USP6NL: variants seen among roughly 807,000 people sequenced by gnomAD.
USP6NL encodes USP6 N-terminal like.
Under a neutral mutation model 61.9 loss-of-function variants are expected in USP6NL, and 26 were observed. That is an observed-to-expected ratio of 0.42 (90% CI 0.31 to 0.58). The LOEUF (loss-of-function observed/expected upper bound fraction) is 0.58. Ranked by LOEUF, USP6NL falls within the 20% of genes least tolerant of loss-of-function variation. USP6NL has a pLI of 0.16. For synonymous variants in USP6NL, 432 were observed against 390.1 expected (o/e 1.11, Z -1.27); for missense variants, 1,114 against 1,034.3 (o/e 1.08, Z -1.06).
intron 4 of USP6NL, among the ~76,000 whole-genome samples, chr10:11,522,727 T>C (rs1253978246): frequency 2.0e-5 from 3 of 152,226 alleles, no homozygotes; most frequent in African/African-American, 7.2e-5. Context: ...TCAATAGCAG[T>C]GTTCATTTCA....
At chr10:11,603,408 C>T (rs765888294) in intron 1 of USP6NL, among the ~76,000 whole-genome samples, 1 of 152,172 alleles carries the variant, frequency 6.6e-6, no homozygotes, top group Admixed American at 6.5e-5. Flanking sequence ...CTACTTGATA[C>T]ATCATATCAG....
At chr10:11,550,612 C>T (rs960074655) in intron 2 of USP6NL, among the ~76,000 whole-genome samples, 1 of 151,748 alleles carries the variant, frequency 6.6e-6, no homozygotes, top group Non-Finnish European at 1.5e-5. Flanking sequence ...AAAAATTAGC[C>T]GGGCGTGGTG....
chr10:11,503,295 A>T (rs763973727), intron 6 of USP6NL, among the ~76,000 whole-genome samples: 1 of 152,188 alleles, frequency 6.6e-6, no homozygotes, highest in Non-Finnish European at 1.5e-5. Context: ...TCTGACACTT[A>T]TTTCTTAAGC....
At chr10:11,497,010 A>G (rs1234311815) in intron 7 of USP6NL, among the ~76,000 whole-genome samples, 3 of 151,794 alleles carry the variant, frequency 2.0e-5, no homozygotes, top group African/African-American at 7.3e-5. Context: ...ATTATTGTAT[A>G]TTATTTCTGA....
At position 11,587,938 on chromosome 10, in the gene USP6NL, G is replaced by A. The variant is rs1369715110; in HGVS notation, c.4+9693C>T. Reference sequence around the variant, plus strand: ...AGATTTGAATCCTATTTCAATTCAAGTAGAAATGGGGAATTTTCTACTAAA... The same window carrying A: ...AGATTTGAATCCTATTTCAATTCAAATAGAAATGGGGAATTTTCTACTAAA... On this transcript the variant is annotated intron_variant, in intron 2 of 14. Coordinates refer to ENST00000609104, the MANE Select transcript of USP6NL (RefSeq NM_014688.5). This position sits in a 1 kb window ranked among gnomAD's most constrained non-coding sequence, Gnocchi z 4.5. Among the ~76,000 whole-genome samples the A allele has an allele frequency of 1.3e-5, 2 of 152,178 alleles. No individual in the cohort carries two copies. The highest frequency in any genetic ancestry group is 2.9e-5 in the Non-Finnish European group (2 of 68,038).
chr10:11,491,705 C>T lies in USP6NL; in HGVS notation c.495-825G>A, dbSNP rs1833714747. Among the ~76,000 whole-genome samples the T allele has an allele frequency of 6.6e-6, 1 of 152,176 alleles. No homozygotes were observed. The highest frequency in any genetic ancestry group is 2.4e-5 in the African/African-American group (1 of 41,432). ...AGGAGAACACTTGGGGCATCTCTTACTAGTATCACTGAGCCCTGTGATGAA... is the reference window on the plus strand; with the variant it reads ...AGGAGAACACTTGGGGCATCTCTTATTAGTATCACTGAGCCCTGTGATGAA... On this transcript the variant is annotated intron_variant, in intron 8 of 14. Transcript: ENST00000609104. The surrounding 1 kb of genome is among the most constrained non-coding windows in gnomAD (Gnocchi z 4.7).
intron 2 of USP6NL, among the ~76,000 whole-genome samples, chr10:11,581,841 C>CA (rs1837783893): frequency 6.6e-6 from 1 of 152,206 alleles, no homozygotes; most frequent in South Asian, 2.1e-4. Flanking sequence ...GGCTCGATCT[C>CA]AGCTCATGCA....
chr10:11,557,734 G>C (rs1248225684), intron 2 of USP6NL, among the ~76,000 whole-genome samples: 2 of 152,148 alleles, frequency 1.3e-5, no homozygotes, highest in African/African-American at 4.8e-5. Flanking sequence ...AGGAAAGAGG[G>C]TGGTGCCACA....
chr10:11,548,656 AC>A lies in USP6NL; in HGVS notation c.5-21090del, dbSNP rs1054453171. Among the ~76,000 whole-genome samples the A allele has an allele frequency of 6.6e-6, 1 of 152,132 alleles. No individual in the cohort carries two copies. The highest frequency in any genetic ancestry group is 2.4e-5 in the African/African-American group (1 of 41,438). The stretch of plus-strand genomic sequence containing the variant: ...CTGCTGAATAAGCTAAGATCCTAGG[AC>A]CCACTGGCAAAGACTTTCATTCTGA... On this transcript the variant is annotated intron_variant, in intron 2 of 14. Transcript: ENST00000609104. The surrounding 1 kb of genome is among the most constrained non-coding windows in gnomAD (Gnocchi z 4.3).
In USP6NL at chr10:11,528,997, C is replaced by T. The variant is rs183870291; in HGVS notation, c.5-1430G>A. ...GCAGCAATACTGGCATGTTACCTAG[C>T]GCAATGGAGGCACACAGGAAAAGAA... On this transcript the variant is annotated intron_variant, in intron 2 of 14. Coordinates refer to ENST00000609104, the MANE Select transcript of USP6NL (RefSeq NM_014688.5). This position sits in a 1 kb window ranked among gnomAD's most constrained non-coding sequence, Gnocchi z 4.6. Among the ~76,000 whole-genome samples, 459 of 152,194 alleles carry T rather than the reference C, an allele frequency of 3.0e-3. 3 individuals are homozygous for T. The highest frequency in any genetic ancestry group is 5.0e-3 in the Non-Finnish European group (343 of 68,020).
rs1838150347 is a variant in USP6NL, at chr10:11,591,240, GA to G, written c.4+6390del. 6.6e-6 allele frequency among the ~76,000 whole-genome samples: 1 copy of G among 152,144 alleles called. No individual in the cohort carries two copies. The highest frequency in any genetic ancestry group is 2.1e-4 in the South Asian group (1 of 4,838). The stretch of plus-strand genomic sequence containing the variant: ...ATGGAATTCGAAATAGTTCTCTTAA[GA>G]ATGGAGAGTCTCTTGAAACTATTAT... On this transcript the variant is annotated intron_variant, in intron 2 of 14. Coordinates refer to ENST00000609104, the MANE Select transcript of USP6NL (RefSeq NM_014688.5). The surrounding 1 kb of genome is among the most constrained non-coding windows in gnomAD (Gnocchi z 4.7).
chr10:11,498,094 G>A (rs749940485), intron 7 of USP6NL, among the ~76,000 whole-genome samples: 6 of 151,176 alleles, frequency 4.0e-5, no homozygotes, highest in Admixed American at 1.3e-4. Context: ...AAACTTAGCC[G>A]GGCATGGTGG....
intron 2 of USP6NL, among the ~76,000 whole-genome samples, chr10:11,534,254 G>A (rs772448121): frequency 1.3e-5 from 2 of 152,156 alleles, no homozygotes; most frequent in African/African-American, 4.8e-5. Context: ...TCCTTGCTGC[G>A]TGCAGAGTTG....
rs1248029876 is a variant in USP6NL, at chr10:11,598,829, G to T, written c.-83-1112C>A. 6.6e-6 allele frequency among the ~76,000 whole-genome samples: 1 copy of T among 152,234 alleles called. No homozygotes were observed. The highest frequency in any genetic ancestry group is 1.5e-5 in the Non-Finnish European group (1 of 68,042). ...TTGCGTCATGTAATATACATGAGAA[G>T]TATTTCATTTGCAGAATGAAAACAG... On this transcript the variant is annotated intron_variant, in intron 1 of 14. Coordinates refer to ENST00000609104, the MANE Select transcript of USP6NL (RefSeq NM_014688.5). This position sits in a 1 kb window ranked among gnomAD's most constrained non-coding sequence, Gnocchi z 4.7.
rs999432854 is a variant in USP6NL at position 11,490,394 on chromosome 10, T to C, written c.543+438A>G. 1.3e-5 allele frequency among the ~76,000 whole-genome samples: 2 copies of C among 152,204 alleles called. No individual in the cohort carries two copies. The highest frequency in any genetic ancestry group is 6.5e-5 in the Admixed American group (1 of 15,278). ...CTCCTGGGGATAGCCAGTAAGGGCA[T>C]AGTTATCTTGTTTGGACCTCACCTA... is the stretch of plus-strand genomic sequence containing the variant. On this transcript the variant is annotated intron_variant, in intron 9 of 14. Transcript: ENST00000609104. This position sits in a 1 kb window ranked among gnomAD's most constrained non-coding sequence, Gnocchi z 4.5.
chr10:11,586,746 T>C (rs1238900254), intron 2 of USP6NL, among the ~76,000 whole-genome samples: 1 of 151,992 alleles, frequency 6.6e-6, no homozygotes, highest in Non-Finnish European at 1.5e-5. Context: ...TTAGTTTAAA[T>C]GAAATTAGAT....
intron 6 of USP6NL, among the ~76,000 whole-genome samples, chr10:11,503,000 G>A (rs146571265): frequency 1.7e-3 from 260 of 152,212 alleles, no homozygotes; most frequent in African/African-American, 5.5e-3. Flanking sequence ...AAAAACAAGT[G>A]AATTTAAGAC....
At chr10:11,560,556 T>C (rs1836886518) in intron 2 of USP6NL, among the ~76,000 whole-genome samples, 1 of 151,566 alleles carries the variant, frequency 6.6e-6, no homozygotes, top group South Asian at 2.1e-4. Flanking sequence ...GTAATAACTT[T>C]CTCTAAAAGA....
intron 1 of USP6NL, among the ~76,000 whole-genome samples, chr10:11,604,861 T>C (rs1838656731): frequency 6.6e-6 from 1 of 152,160 alleles, no homozygotes; most frequent in Non-Finnish European, 1.5e-5. Flanking sequence ...TATAATAATA[T>C]GCTGTAATAA....
Sources: gnomAD v4.1 joint callset for allele counts (sites outside exome capture counted in the v4.1 genomes callset) on GRCh38, gnomAD v4.1.1 for gene constraint, Gnocchi (gnomAD v3.1) non-coding constraint, MANE v1.5 for transcripts, NCBI Gene and HGNC (gene_info 2026-07-23, HGNC 2026-07-21) for gene names.